COL17A1: variants seen among roughly 807,000 people sequenced by gnomAD.
The protein encoded by COL17A1 is collagen alpha-1(XVII) chain.
A neutral mutation model predicts 218.4 loss-of-function variants in COL17A1; 181 were observed. That is an observed-to-expected ratio of 0.83 (90% confidence interval 0.73 to 0.94). The LOEUF (loss-of-function observed/expected upper bound fraction) is 0.94, where lower values mean the gene tolerates loss of function less well. Among genes scored for constraint, COL17A1 ranks in the 40% least tolerant of loss-of-function variants. The pLI, the probability that COL17A1 is intolerant of heterozygous loss-of-function variation, is 0.00. For synonymous variants in COL17A1, 721 were observed against 731.0 expected (o/e 0.99, Z 0.22); for missense variants, 1,924 against 1,945.9 (o/e 0.99, Z 0.21).
intron 48 of COL17A1, among the ~76,000 whole-genome samples, chr10:104,035,894 G>GGGAGTGTGCGTGAGTACT: frequency 7.1e-6 from 1 of 140,352 alleles, no homozygotes; most frequent in Non-Finnish European, 1.5e-5. Context: ...TGGAGTGTAT[G>GGGAGTGTGCGTGAGTACT]GGAGCGTGTG....
intron 9 of COL17A1, among the ~76,000 whole-genome samples, chr10:104,070,162 C>A (rs1005086412): frequency 6.6e-6 from 1 of 152,156 alleles, no homozygotes; most frequent in South Asian, 2.1e-4. Flanking sequence ...ACCTCTACCC[C>A]CTAAACCATA....
At position 104,039,646 on chromosome 10, in the gene COL17A1, G is replaced by A; in HGVS notation, c.2789-6C>T. On this transcript the variant is annotated splice_polypyrimidine_tract_variant and splice_region_variant and intron_variant, in intron 41 of 55. Coordinates refer to ENST00000648076, the MANE Select transcript of COL17A1 (RefSeq NM_000494.4). ...ACCTGGGAGGCCTTGCTCGCCTGAG[G>A]AACACACCAAGGGAGGGACAGTCAG... The A allele has an allele frequency of 6.2e-7, 1 of 1,614,122 alleles. No homozygotes were observed. Among genetic ancestry groups the A allele is most frequent in the Non-Finnish European group, 8.5e-7 (1 of 1,180,010 alleles).
rs780156623 is a variant in COL17A1, at chr10:104,037,755, T to A, written c.3089A>T (p.Tyr1030Phe). 6.8e-6 allele frequency: 11 copies of A among 1,613,936 alleles called. No homozygotes were observed. The highest frequency in any genetic ancestry group is 8.5e-6 in the Non-Finnish European group (10 of 1,179,980). ...TGGGGGACCCTGAACTCCGGATAGGTAAGATCTAATACTGTCACCTGCCGA... is the reference window on the plus strand; with the variant it reads ...TGGGGGACCCTGAACTCCGGATAGGAAAGATCTAATACTGTCACCTGCCGA... ...EYMQSDSIRSYLSGVQGPPGP... is the reference protein window; with the variant it reads ...EYMQSDSIRSFLSGVQGPPGP... Residue 1030 changes from tyrosine to phenylalanine, a missense_variant, in exon 46 of 56, where the codon TAC (tyrosine) becomes TTC (phenylalanine). Tyr to Phe is a conservative substitution (Grantham distance 22). Transcript: ENST00000648076.
At chr10:104,051,965 C>A (rs1334776874) in intron 24 of COL17A1, among the ~76,000 whole-genome samples, 190 bp downstream of exon 24, 1 of 152,176 alleles carries the variant, frequency 6.6e-6, no homozygotes, top group African/African-American at 2.4e-5. Context: ...GCTAAACTTA[C>A]AGCCCTAGTC....
Position 104,046,644 on chromosome 10 carries a change from G to C in COL17A1, c.2362+103C>G, listed in dbSNP as rs113793690. On this transcript the variant is annotated intron_variant, in intron 32 of 55. Transcript: ENST00000648076. The stretch of plus-strand genomic sequence containing the variant: ...AAAGGGAGTGTGTGCCAGGGAGTTG[G>C]TGGAGGAGAGGAAACTCTGGTGACT... The C allele has an allele frequency of 7.8e-4, 873 of 1,123,350 alleles. 5 individuals are homozygous for C. The African/African-American group carries it at 0.012, about 15-fold the overall frequency. The allele number at this position is 1,123,350 out of a possible 1,614,324, so 69.6% of individuals were successfully genotyped here. A position where few individuals can be genotyped will look rare whatever the true frequency, so the allele number is the denominator to read the frequency against.
intron 32 of COL17A1, among the ~76,000 whole-genome samples, chr10:104,046,312 G>T (rs1313609778): frequency 1.3e-5 from 2 of 152,152 alleles, no homozygotes; most frequent in African/African-American, 4.8e-5. Context: ...GGGGCACAAT[G>T]GTCCAATTAC....
chr10:104,061,107 G>A (rs1891355), intron 13 of COL17A1, among the ~76,000 whole-genome samples: 2,845 of 152,288 alleles, frequency 0.019, 90 homozygotes, highest in African/African-American at 0.066. Flanking sequence ...AAGGCCAAAG[G>A]CTTCCAGTCA....
intron 46 of COL17A1, 65 bp downstream of exon 46, chr10:104,037,571 C>T: frequency 1.9e-6 from 3 of 1,596,678 alleles, no homozygotes; most frequent in Admixed American, 1.7e-5. Flanking sequence ...GGAGATGAGG[C>T]TCTGGGAGCA....
At chr10:104,034,430 G>C (rs1196533896) in intron 51 of COL17A1, 96 bp from the exon 52 acceptor site, 14 of 1,480,702 alleles carry the variant, frequency 9.5e-6, no homozygotes, top group Non-Finnish European at 1.2e-5. Flanking sequence ...CAATGCCCCT[G>C]AGAGACCAGA....
chr10:104,074,577 A>G (rs2086694216), intron 5 of COL17A1, among the ~76,000 whole-genome samples: 1 of 152,112 alleles, frequency 6.6e-6, no homozygotes, highest in Admixed American at 6.5e-5. Flanking sequence ...TGCCCTGATC[A>G]AGTAACCTGC....
chr10:104,070,401 C>G, intron 9 of COL17A1, 25 bp downstream of exon 9: 3 of 1,612,652 alleles, frequency 1.9e-6, no homozygotes, highest in Non-Finnish European at 2.5e-6. Flanking sequence ...TCACACTCCT[C>G]GGCAGCCTGG....
At chr10:104,053,226 G>A in intron 22 of COL17A1, 91 bp from the exon 23 acceptor site, 2 of 1,472,704 alleles carry the variant, frequency 1.4e-6, no homozygotes, top group Non-Finnish European at 1.9e-6. Flanking sequence ...CGCTTGCCTG[G>A]AGCCCTTCCC....
At chr10:104,041,616 A>G (rs75990351) in intron 36 of COL17A1, 78 bp from the exon 37 acceptor site, 51 of 1,301,316 alleles carry the variant, frequency 3.9e-5, no homozygotes, top group Non-Finnish European at 5.5e-5. Context: ...CTCTCACTGG[A>G]TCTGCAGTTC....
intron 24 of COL17A1, among the ~76,000 whole-genome samples, chr10:104,051,722 C>T (rs553001799): frequency 6.6e-6 from 1 of 152,306 alleles, no homozygotes; most frequent in East Asian, 1.9e-4. Context: ...TTTGCTCTTT[C>T]CTGGTCAGAG....
chr10:104,041,517 G>A lies in COL17A1; in HGVS notation c.2573C>T (p.Pro858Leu), dbSNP rs1240191562. ...GHQEVLNLQGPPGPPGPRGPP... is the reference protein window; with the variant it reads ...GHQEVLNLQGLPGPPGPRGPP... ...CCCGCGTGGGCCGGGTGGGCCTGGG[G>A]GACCTTGTAAATTAAGAACTTCTAT... The change falls in exon 37 of 56, where the codon CCC becomes CTC. Residue 858 changes from proline (P) to leucine (L), a missense_variant. By Grantham distance (98) the Pro-to-Leu change is moderately conservative (BLOSUM62 -3). Transcript: ENST00000648076. 6.2e-7 allele frequency: 1 copy of A among 1,613,322 alleles called. No individual in the cohort carries two copies. Among genetic ancestry groups the A allele is most frequent in the Non-Finnish European group, 8.5e-7 (1 of 1,179,450 alleles).
rs146249519 is a variant in COL17A1 at position 104,072,346 on chromosome 10, G to A, written c.416-267C>T. On this transcript the variant is annotated intron_variant, in intron 7 of 55. Transcript: ENST00000648076. Reference sequence around the variant, plus strand: ...TTCCAGGCTGAGCAAGGAGGTTCCAGTACAATCAGCAATGGTCAATCCTTT... The same window carrying A: ...TTCCAGGCTGAGCAAGGAGGTTCCAATACAATCAGCAATGGTCAATCCTTT... Among the ~76,000 whole-genome samples, 359 of 152,308 alleles carry A rather than the reference G, an allele frequency of 2.4e-3. 3 individuals are homozygous for A. The highest frequency in any genetic ancestry group is 3.6e-3 in the Non-Finnish European group (243 of 68,032).
intron 12 of COL17A1, 121 bp downstream of exon 12, chr10:104,062,137 T>C: frequency 6.9e-7 from 1 of 1,447,360 alleles, no homozygotes; most frequent in Non-Finnish European, 9.7e-7. Context: ...TTGAGTGTTG[T>C]GTCTTTGGTG....
In COL17A1 at chr10:104,055,781, C is replaced by G; in HGVS notation, c.1687+1G>C. 1 of 1,614,038 alleles carries G rather than the reference C, an allele frequency of 6.2e-7. No individual in the cohort carries two copies. Among genetic ancestry groups the G allele is most frequent in the Non-Finnish European group, 8.5e-7 (1 of 1,180,044 alleles). On this transcript the variant is annotated splice_donor_variant, in intron 18 of 55. Transcript: ENST00000648076. LOFTEE classifies it high-confidence loss of function. ...GGCCCTGTGCCCGGCGATGCTCTCA[C>G]CATTTTCCTGTTCCATCATTAGCTT...
intron 48 of COL17A1, 87 bp downstream of exon 48, chr10:104,036,405 T>G: frequency 6.4e-7 from 1 of 1,574,768 alleles, no homozygotes; most frequent in Non-Finnish European, 8.7e-7. Flanking sequence ...TGGGGGTCAG[T>G]GGGGCAATCA....
Sources: allele counts gnomAD v4.1 joint callset (sites outside exome capture counted in the v4.1 genomes callset), GRCh38; gene constraint gnomAD v4.1.1; transcripts MANE v1.5; gene names NCBI Gene and HGNC (gene_info 2026-07-23, HGNC 2026-07-21).